The following ASPSCR1 variants were observed in gnomAD, a reference collection of about 807,000 sequenced individuals.
The protein encoded by ASPSCR1 is tether containing UBX domain for GLUT4.
ASPSCR1 carries 55 observed loss-of-function variants against 68.9 expected under a neutral mutation model. The observed-to-expected ratio is 0.80, with a 90% CI of 0.64 to 1.00. The LOEUF is 1.00. Ranked by LOEUF, ASPSCR1 falls within the 50% of genes least tolerant of loss-of-function variation. The pLI, the probability that ASPSCR1 is intolerant of heterozygous loss-of-function variation, is 0.00. For missense variants in ASPSCR1, 765 were observed against 762.2 expected, an observed-to-expected ratio of 1.00 and a Z score of -0.04; for synonymous variants, 352 against 332.6, an observed-to-expected ratio of 1.06 and a Z score of -0.63.
At chr17:81,989,997 G>T (rs1379850284) in intron 4 of ASPSCR1, among the ~76,000 whole-genome samples, 1 of 152,106 alleles carries the variant, frequency 6.6e-6, no homozygotes, top group African/African-American at 2.4e-5. Context: ...CACCATGTTG[G>T]CCAGGCTGGT....
chr17:81,982,046 G>A (rs1043159373), intron 2 of ASPSCR1, among the ~76,000 whole-genome samples: 2 of 152,122 alleles, frequency 1.3e-5, no homozygotes, highest in Admixed American at 6.5e-5. Flanking sequence ...TTGGCACACT[G>A]CAACCTCCGC....
chr17:81,985,789 G>A (rs1050299743), intron 4 of ASPSCR1, among the ~76,000 whole-genome samples, 182 bp downstream of exon 4: 4 of 152,140 alleles, frequency 2.6e-5, no homozygotes, highest in East Asian at 1.9e-4. Context: ...CAGCAGCCTC[G>A]GGGATGGCTG....
At chr17:81,991,601 G>A (rs2042169405) in intron 4 of ASPSCR1, among the ~76,000 whole-genome samples, 1 of 152,120 alleles carries the variant, frequency 6.6e-6, no homozygotes, top group African/African-American at 2.4e-5. Flanking sequence ...GTCCATTCCT[G>A]TCCATCCCTG....
chr17:82,010,345 C>T (rs568310793), intron 9 of ASPSCR1, among the ~76,000 whole-genome samples: 504 of 151,252 alleles, frequency 3.3e-3, no homozygotes, highest in African/African-American at 0.011. Context: ...CTGGCTGACA[C>T]GGTGAAACCC....
rs372730667 is a variant in ASPSCR1, at chr17:81,996,020, C to G, written c.461C>G (p.Thr154Arg). The G allele has an allele frequency of 1.2e-6, 2 of 1,610,416 alleles. No homozygotes were observed. Among genetic ancestry groups the G allele is most frequent in the South Asian group, 2.2e-5 (2 of 90,498 alleles). ...ACGGGTGAAGCTGCCCTGCGGGGCA[C>G]GACGCTGCAGTCGCTGGGCCTGACC... ...EVTGEAALRG[T>R]TLQSLGLTGG... The change falls in exon 6 of 16, where the codon ACG (threonine) becomes AGG (arginine). Residue 154 changes from threonine (T) to arginine (R), a missense_variant. Physicochemically the swap from Thr to Arg is moderately conservative, Grantham distance 71. Coordinates refer to ENST00000306739, the MANE Select transcript of ASPSCR1 (RefSeq NM_024083.4).
intron 7 of ASPSCR1, among the ~76,000 whole-genome samples, chr17:82,003,688 T>G (rs943193114): frequency 2.0e-5 from 3 of 152,248 alleles, no homozygotes; most frequent in Non-Finnish European, 2.9e-5. Context: ...TTGTGGTGTC[T>G]TCAGAGGCAG....
intron 2 of ASPSCR1, among the ~76,000 whole-genome samples, chr17:81,982,912 C>G (rs1396474923): frequency 1.3e-5 from 2 of 152,050 alleles, no homozygotes; most frequent in Non-Finnish European, 2.9e-5. Context: ...CTCCCGGGTT[C>G]AAGCGATTCT....
chr17:81,981,967 C>T (rs541117612), intron 2 of ASPSCR1, among the ~76,000 whole-genome samples: 107 of 150,654 alleles, frequency 7.1e-4, no homozygotes, highest in African/African-American at 2.5e-3. Flanking sequence ...CACCTGGCCT[C>T]ATTTTTCTTT....
rs532909914 is a variant in ASPSCR1, at chr17:82,016,288, G to A, written c.1354-188G>A. On this transcript the variant is annotated intron_variant, in intron 12 of 15. Coordinates refer to ENST00000306739, the MANE Select transcript of ASPSCR1 (RefSeq NM_024083.4). ...CCATGGAGGGCGCTGGTCCCAGGACGCCCTGGCCTTGCTTACAGGGGTAGG... is the reference window on the plus strand; with the variant it reads ...CCATGGAGGGCGCTGGTCCCAGGACACCCTGGCCTTGCTTACAGGGGTAGG... 1,736 of 593,540 alleles carry A rather than the reference G, an allele frequency of 2.9e-3. 33 individuals carry two copies. Among genetic ancestry groups the A allele is most frequent in the Non-Finnish European group, 1.2e-3 (388 of 337,152 alleles). The allele number at this position is 593,540 out of a possible 1,614,324, so 36.8% of individuals were successfully genotyped here. A position where few individuals can be genotyped will look rare whatever the true frequency, so the allele number is the denominator to read the frequency against.
At chr17:81,995,043 G>A (rs965546275) in intron 5 of ASPSCR1, 165 bp downstream of exon 5, 3 of 711,980 alleles carry the variant, frequency 4.2e-6, no homozygotes, top group African/African-American at 3.7e-5. Flanking sequence ...GGCCCTCGGA[G>A]CCCGGGCTGC....
intron 7 of ASPSCR1, chr17:82,006,584 G>A (rs2042728691): frequency 6.6e-6 from 1 of 152,262 alleles, no homozygotes; most frequent in South Asian, 2.1e-4. Flanking sequence ...GGAGGCTCCA[G>A]GACGCCTCAC....
chr17:81,979,300 A>G, intron 2 of ASPSCR1, 61 bp downstream of exon 2: 4 of 1,559,966 alleles, frequency 2.6e-6, no homozygotes, highest in Non-Finnish European at 3.5e-6. Flanking sequence ...CCCCCTGAAC[A>G]TACTGGCTCT....
At chr17:82,000,308 C>T (rs764386900) in intron 7 of ASPSCR1, among the ~76,000 whole-genome samples, 3 of 152,202 alleles carry the variant, frequency 2.0e-5, no homozygotes, top group East Asian at 1.9e-4. Flanking sequence ...CGTCGGGAGG[C>T]GCTGTTGGGG....
chr17:82,001,005 C>T (rs904318417), intron 7 of ASPSCR1, among the ~76,000 whole-genome samples: 6 of 152,250 alleles, frequency 3.9e-5, no homozygotes, highest in Admixed American at 6.5e-5. Context: ...CCTGCCCCTC[C>T]CGCCTCGGGG....
intron 7 of ASPSCR1, among the ~76,000 whole-genome samples, chr17:82,002,190 TA>T (rs1268730230): frequency 6.6e-6 from 1 of 151,838 alleles, no homozygotes; most frequent in East Asian, 1.9e-4. Flanking sequence ...TTTTTAAAAT[TA>T]AAAAGTGATT....
Position 81,979,206 on chromosome 17 carries a change from G to C in ASPSCR1, c.125G>C (p.Arg42Pro), listed in dbSNP as rs751590996. 6.2e-7 allele frequency: 1 copy of C among 1,614,100 alleles called. No homozygotes were observed. The highest frequency in any genetic ancestry group is 1.1e-5 in the South Asian group (1 of 91,084). Residue 42 changes from arginine to proline, a missense_variant, in exon 2 of 16, where the codon CGG becomes CCG. Coordinates refer to ENST00000306739, the MANE Select transcript of ASPSCR1 (RefSeq NM_024083.4). ...LLQVLEDTCRRQDFNPCEYDL... is the reference protein window; with the variant it reads ...LLQVLEDTCRPQDFNPCEYDL... ...CAGGTTCTGGAGGACACGTGCCGGC[G>C]GCAGGACTTCAACCCCTGTGAATAT... is the stretch of plus-strand genomic sequence containing the variant.
rs1202080936 is a variant in ASPSCR1 at position 81,983,069 on chromosome 17, C to T, written c.159-485C>T. On this transcript the variant is annotated intron_variant, in intron 2 of 15. Coordinates refer to ENST00000306739, the MANE Select transcript of ASPSCR1 (RefSeq NM_024083.4). The surrounding 1 kb of genome is among the most constrained non-coding windows in gnomAD (Gnocchi z 4.4). ...ATGTTGGTCAGGCTTGTCTCAAACT[C>T]CTGAACCTCAGGTGATCCGCCTGCC... 1.3e-5 allele frequency among the ~76,000 whole-genome samples: 2 copies of T among 152,216 alleles called. No individual in the cohort carries two copies. The highest frequency in any genetic ancestry group is 2.9e-5 in the Non-Finnish European group (2 of 68,040).
intron 9 of ASPSCR1, among the ~76,000 whole-genome samples, 155 bp from the exon 10 acceptor site, chr17:82,010,647 G>A (rs539733694): frequency 1.3e-5 from 2 of 152,268 alleles, no homozygotes; most frequent in Admixed American, 1.3e-4. Flanking sequence ...GCCTGCCACG[G>A]GGGAGTCAAA....
rs34085048 is a variant in ASPSCR1 at position 82,009,055 on chromosome 17, G to T, written c.952G>T (p.Val318Leu). The stretch of plus-strand genomic sequence containing the variant: ...CCTCCAGCCCGTGGACCGGGAGCCC[G>T]TGGACCGGGAGCCGGTGGTGTGCCA... ...ERERPVDREP[V>L]DREPVVCHPD... is the part of the protein sequence containing the mutation. Residue 318 changes from valine to leucine, a missense_variant, in exon 8 of 16, where the codon GTG (valine) becomes TTG (leucine). By Grantham distance (32) the Val-to-Leu change is conservative. Coordinates refer to ENST00000306739, the MANE Select transcript of ASPSCR1 (RefSeq NM_024083.4). 1 of 1,557,484 alleles carries T rather than the reference G, an allele frequency of 6.4e-7. No individual in the cohort carries two copies. The highest frequency in any genetic ancestry group is 1.4e-5 in the African/African-American group (1 of 73,352).
Sources: gnomAD v4.1 joint callset for allele counts (sites outside exome capture counted in the v4.1 genomes callset) on GRCh38, gnomAD v4.1.1 for gene constraint, Gnocchi (gnomAD v3.1) non-coding constraint, MANE v1.5 for transcripts, NCBI Gene and HGNC (gene_info 2026-07-23, HGNC 2026-07-21) for gene names.